MDGA2: variants seen among roughly 807,000 people sequenced by gnomAD.
MDGA2 encodes the protein MAM domain-containing glycosylphosphatidylinositol anchor protein 2.
MDGA2 carries 40 observed loss-of-function variants against 117.8 expected under a neutral mutation model. The ratio of observed to expected loss-of-function variants is 0.34; its 90% CI spans 0.26 to 0.44. The LOEUF (loss-of-function observed/expected upper bound fraction) is 0.44. MDGA2 is among the 20% of genes least tolerant of loss of function. MDGA2 has a pLI of 1.00. For missense variants in MDGA2, 1,123 were observed against 1,250.6 expected (o/e 0.90, Z 1.54); for synonymous variants, 452 against 439.0 (o/e 1.03, Z -0.37).
chr14:47,342,895 G>C (rs1890672594), intron 1 of MDGA2: 1 of 424,774 alleles, frequency 2.4e-6, no homozygotes, highest in Non-Finnish European at 4.5e-6. Context: ...GGAAAAAAGA[G>C]GAAAGGAACT....
intron 1 of MDGA2, among the ~76,000 whole-genome samples, chr14:47,389,296 A>T (rs981711783): frequency 1.3e-5 from 2 of 152,188 alleles, no homozygotes; most frequent in African/African-American, 4.8e-5. Context: ...TGAACACATA[A>T]ACATGTTGAC....
At chr14:47,196,983 C>T (rs1395750768) in intron 3 of MDGA2, among the ~76,000 whole-genome samples, 1 of 152,092 alleles carries the variant, frequency 6.6e-6, no homozygotes, top group Non-Finnish European at 1.5e-5. Flanking sequence ...CATGTTGATC[C>T]AAAGGACATG....
chr14:47,491,829 T>C (rs1391431889), intron 1 of MDGA2, among the ~76,000 whole-genome samples: 1 of 152,174 alleles, frequency 6.6e-6, no homozygotes, highest in Middle Eastern at 3.2e-3. Context: ...AAAGCTATTA[T>C]TAATTTTCAA....
intron 5 of MDGA2, among the ~76,000 whole-genome samples, chr14:47,100,854 A>G (rs1367014777): frequency 1.3e-5 from 2 of 152,130 alleles, no homozygotes; most frequent in Non-Finnish European, 2.9e-5. Flanking sequence ...AATTCCAACT[A>G]CACCACCAGC....
chr14:47,534,481 T>C (rs1413516339), intron 1 of MDGA2, among the ~76,000 whole-genome samples: 3 of 152,030 alleles, frequency 2.0e-5, no homozygotes, highest in Non-Finnish European at 4.4e-5. Context: ...AAAATCCTGG[T>C]GGAAGGGGAA....
rs185778749 is a variant in MDGA2 at position 46,933,350 on chromosome 14, T to A, written c.2090-13190A>T. On this transcript the variant is annotated intron_variant, in intron 9 of 16. Transcript: ENST00000399232. ...TACTAGCAAGAAGTCTTTAAAAAAA[T>A]TTTTTTTTGGTTCTCAAAATGACAA... Among the ~76,000 whole-genome samples the A allele has an allele frequency of 1.2e-3, 182 of 151,550 alleles. 1 individual carries two copies. Among genetic ancestry groups the A allele is most frequent in the African/African-American group, 3.7e-3 (152 of 41,366 alleles).
At chr14:47,207,453 G>A (rs1403552817) in intron 3 of MDGA2, among the ~76,000 whole-genome samples, 1 of 151,912 alleles carries the variant, frequency 6.6e-6, no homozygotes, top group East Asian at 1.9e-4. Flanking sequence ...TATTGAGGGA[G>A]AGGTCTGCTG....
intron 3 of MDGA2, among the ~76,000 whole-genome samples, chr14:47,172,860 G>A (rs1884226037): frequency 6.6e-6 from 1 of 152,186 alleles, no homozygotes. Flanking sequence ...CGAGCTACAG[G>A]AGGAAATTCA....
chr14:46,988,551 G>A (rs767727837), intron 8 of MDGA2, among the ~76,000 whole-genome samples: 5 of 151,980 alleles, frequency 3.3e-5, no homozygotes, highest in African/African-American at 4.8e-5. Flanking sequence ...CACCAGGGTA[G>A]GCATATTATG....
chr14:46,988,864 T>A (rs1886968600), intron 8 of MDGA2, among the ~76,000 whole-genome samples: 2 of 151,902 alleles, frequency 1.3e-5, no homozygotes, highest in Admixed American at 1.3e-4. Flanking sequence ...TGGAAAATAG[T>A]AGCATGCGCA....
chr14:47,363,854 G>C (rs1162101607), intron 1 of MDGA2, among the ~76,000 whole-genome samples: 2 of 152,104 alleles, frequency 1.3e-5, no homozygotes, highest in African/African-American at 4.8e-5. Flanking sequence ...AGTATTTCTA[G>C]ATAGCATCTA....
intron 3 of MDGA2, among the ~76,000 whole-genome samples, chr14:47,185,083 CTAAT>C (rs939447258): frequency 2.7e-4 from 41 of 150,794 alleles, no homozygotes; most frequent in East Asian, 2.3e-3. Context: ...TTCAAAATGT[CTAAT>C]TATCTTTTAC....
chr14:47,639,191 GTATAGA>G lies in MDGA2; in HGVS notation c.280+35320_280+35325del, dbSNP rs578132079. On this transcript the variant is annotated intron_variant, in intron 1 of 16. Coordinates refer to ENST00000399232, the MANE Select transcript of MDGA2 (RefSeq NM_001113498.3). ...GATATGCGTGAGTATAAAGGTGTGT[GTATAGA>G]TATAGATATAAATTTGTTGTCTATT... Among the ~76,000 whole-genome samples, 26 of 152,286 alleles carry G rather than the reference GTATAGA, an allele frequency of 1.7e-4. No homozygotes were observed. In the East Asian group the frequency reaches 4.6e-3, roughly 27 times the overall value.
At chr14:47,246,389 G>T (rs1405764096) in intron 2 of MDGA2, among the ~76,000 whole-genome samples, 2 of 151,750 alleles carry the variant, frequency 1.3e-5, no homozygotes, top group Non-Finnish European at 2.9e-5. Flanking sequence ...AAGGCTGCTG[G>T]GAGAGATATA....
At chr14:47,024,500 T>G (rs546797863) in intron 8 of MDGA2, among the ~76,000 whole-genome samples, 1 of 152,290 alleles carries the variant, frequency 6.6e-6, no homozygotes, top group African/African-American at 2.4e-5. Flanking sequence ...TTAAATACAT[T>G]TCAGTTTCCT....
chr14:47,082,604 A>T (rs1284659791), intron 6 of MDGA2, among the ~76,000 whole-genome samples: 2 of 152,098 alleles, frequency 1.3e-5, no homozygotes, highest in Non-Finnish European at 2.9e-5. Context: ...ATAAAGTAAT[A>T]TAAAAAAGAA....
intron 9 of MDGA2, among the ~76,000 whole-genome samples, chr14:46,934,349 T>A (rs764623989): frequency 7.9e-5 from 12 of 152,090 alleles, no homozygotes; most frequent in Non-Finnish European, 1.8e-4. Context: ...CCTTGATAAA[T>A]GAAAATGGTA....
chr14:47,365,343 A>G (rs1891209679), intron 1 of MDGA2, among the ~76,000 whole-genome samples: 1 of 152,236 alleles, frequency 6.6e-6, no homozygotes, highest in South Asian at 2.1e-4. Flanking sequence ...TGCAGTATGC[A>G]CAGCTGCTAA....
intron 1 of MDGA2, among the ~76,000 whole-genome samples, chr14:47,673,371 CTT>C (rs1371650105): frequency 6.6e-6 from 1 of 152,160 alleles, no homozygotes; most frequent in African/African-American, 2.4e-5. Context: ...CAGCCATTGA[CTT>C]AGTCCTGCAG....
Sources: gnomAD v4.1 joint callset for allele counts (sites outside exome capture counted in the v4.1 genomes callset) on GRCh38, gnomAD v4.1.1 for gene constraint, MANE v1.5 for transcripts, NCBI Gene and HGNC (gene_info 2026-07-23, HGNC 2026-07-21) for gene names.